Variants in SEMA4B observed in about 807,000 individuals in gnomAD.
The protein encoded by SEMA4B is semaphorin-4B.
A neutral mutation model predicts 88.1 loss-of-function variants in SEMA4B; 55 were observed. The ratio of observed to expected loss-of-function variants is 0.62; its 90% CI spans 0.50 to 0.78. The LOEUF (loss-of-function observed/expected upper bound fraction) is 0.78, where lower values mean the gene tolerates loss of function less well. Among genes scored for constraint, SEMA4B ranks in the 30% least tolerant of loss-of-function variants. The pLI, the probability that SEMA4B is intolerant of heterozygous loss-of-function variation, is 0.00. For missense variants in SEMA4B, 1,062 were observed against 1,111.9 expected, an observed-to-expected ratio of 0.96 and a Z score of 0.64; for synonymous variants, 525 against 473.6, an observed-to-expected ratio of 1.11 and a Z score of -1.41.
chr15:90,223,506 C>A, intron 7 of SEMA4B, 53 bp from the exon 8 acceptor site: 1 of 1,481,628 alleles, frequency 6.7e-7, no homozygotes, highest in Non-Finnish European at 9.0e-7. Flanking sequence ...GCCGTGCATC[C>A]CCGTCATGGC....
At chr15:90,219,952 G>C (rs1246353996) in intron 4 of SEMA4B, 61 bp downstream of exon 4, 19 of 1,326,052 alleles carry the variant, frequency 1.4e-5, no homozygotes, top group Non-Finnish European at 1.7e-5. Flanking sequence ...TCTGCCCCAG[G>C]GATCCTGTTC....
At chr15:90,205,388 C>T (rs1026473617) in intron 1 of SEMA4B, among the ~76,000 whole-genome samples, 7 of 152,226 alleles carry the variant, frequency 4.6e-5, no homozygotes, top group African/African-American at 1.4e-4. Flanking sequence ...CCAGCTCTGT[C>T]CTATGGGCCA....
chr15:90,203,944 C>T (rs1043835202), intron 1 of SEMA4B, among the ~76,000 whole-genome samples: 7 of 152,200 alleles, frequency 4.6e-5, no homozygotes, highest in Non-Finnish European at 1.0e-4. Context: ...CCACTATACC[C>T]TGGAGTGCCC....
In SEMA4B at chr15:90,221,452, G is replaced by C; in HGVS notation, c.681G>C (p.Lys227Asn). ...GGAGCCAAAGCCTTCGCCCCACCAAGACCGAGAGCTCCCTCAACTGGCTGC... is the reference window on the plus strand; with the variant it reads ...GGAGCCAAAGCCTTCGCCCCACCAACACCGAGAGCTCCCTCAACTGGCTGC... The part of the protein sequence containing the change: ...ISRSQSLRPT[K>N]TESSLNWLQD... Residue 227 changes from lysine (K) to asparagine (N), a missense_variant, in exon 6 of 14, where the codon AAG becomes AAC. Lys to Asn is a moderately conservative substitution (Grantham distance 94, BLOSUM62 0). Transcript: ENST00000411539. 6.3e-7 allele frequency: 1 copy of C among 1,590,876 alleles called. No individual in the cohort carries two copies. Among genetic ancestry groups the C allele is most frequent in the South Asian group, 1.1e-5 (1 of 87,878 alleles).
Position 90,225,371 on chromosome 15 carries a change from C to T in SEMA4B, c.1495C>T (p.Gln499Ter). 6.4e-7 allele frequency: 1 copy of T among 1,552,692 alleles called. No homozygotes were observed. The highest frequency in any genetic ancestry group is 8.7e-7 in the Non-Finnish European group (1 of 1,148,644). Reference sequence around the variant, plus strand: ...GATCTTCTCATCGGGACAGCCCGTGCAGAATCTGCTCCTGGACACCCACAG... The same window carrying T: ...GATCTTCTCATCGGGACAGCCCGTGTAGAATCTGCTCCTGGACACCCACAG... Reference protein sequence around the residue: ...LQIFSSGQPVQNLLLDTHRGL... With the variant: ...LQIFSSGQPV The change falls in exon 11 of 14, where the codon CAG (glutamine) becomes TAG (stop). Residue 499 changes from glutamine to a stop codon, truncating the protein, a stop_gained. Coordinates refer to ENST00000411539, the MANE Select transcript of SEMA4B (RefSeq NM_198925.4). LOFTEE classifies it high-confidence loss of function.
At chr15:90,200,910 CG>C (rs1244209892), upstream of SEMA4B, among the ~76,000 whole-genome samples, 1 of 152,152 alleles carries the variant, frequency 6.6e-6, no homozygotes, top group African/African-American at 2.4e-5. Context: ...CGAGCTCGGC[CG>C]AGTTCATTTG....
chr15:90,206,366 C>T (rs1035109881), intron 1 of SEMA4B, among the ~76,000 whole-genome samples: 1 of 152,226 alleles, frequency 6.6e-6, no homozygotes, highest in Non-Finnish European at 1.5e-5. Flanking sequence ...GGACTGCATT[C>T]TCCATGCTTT....
intron 3 of SEMA4B, among the ~76,000 whole-genome samples, chr15:90,218,439 C>T (rs1961640054): frequency 6.6e-6 from 1 of 152,216 alleles, no homozygotes; most frequent in African/African-American, 2.4e-5. Context: ...ATTCAGCTAA[C>T]ATTGATGAAG....
Position 90,201,460 on chromosome 15 carries a change from C to T in SEMA4B, c.-119C>T, listed in dbSNP as rs1488628539. ...GTTTCCCACCTCCCGCCCCCCAGGT[C>T]CGGAGGCGGGGGCCCCCGGGGCGAC... On this transcript the variant is annotated 5_prime_UTR_variant, in exon 1 of 14. Transcript: ENST00000411539. 2.3e-6 allele frequency: 3 copies of T among 1,305,848 alleles called. No individual in the cohort carries two copies. The South Asian group carries it at 6.5e-5, about 28-fold the overall frequency. The allele number at this position is 1,305,848 out of a possible 1,614,324, so 80.9% of individuals were successfully genotyped here.
rs778563711 is a variant in SEMA4B at position 90,201,657 on chromosome 15, C to T, written c.79C>T (p.Leu27=). The T allele has an allele frequency of 9.0e-5, 137 of 1,516,868 alleles. No individual in the cohort carries two copies. Among genetic ancestry groups the T allele is most frequent in the Non-Finnish European group, 1.2e-4 (132 of 1,139,748 alleles). The allele number at this position is 1,516,868 out of a possible 1,614,324, so 94.0% of individuals were successfully genotyped here. A position where few individuals can be genotyped will look rare whatever the true frequency, so the allele number is the denominator to read the frequency against. ...GCTGCCGCCTCGGCCACCGCTGCTG[C>T]TGCTCCTGCTGCTGCTGCTCCTGCT... ...GALPPRPPLL[L]LLLLLLLLQP... Residue 27 remains leucine (L), a synonymous_variant, in exon 1 of 14, where the codon CTG becomes TTG. Coordinates refer to ENST00000411539, the MANE Select transcript of SEMA4B (RefSeq NM_198925.4).
At chr15:90,189,055 C>A (rs1442720621) in intron 1 of SEMA4B, among the ~76,000 whole-genome samples, 1 of 151,978 alleles carries the variant, frequency 6.6e-6, no homozygotes, top group Non-Finnish European at 1.5e-5. Context: ...TTTCCTTAAA[C>A]TTGAGCAATA....
At chr15:90,193,668 C>A (rs1960412890) in intron 1 of SEMA4B, 1 of 152,174 alleles carries the variant, frequency 6.6e-6, no homozygotes, top group African/African-American at 2.4e-5. Flanking sequence ...AGCAGCCCCA[C>A]TGCCATTTTA....
upstream of SEMA4B, among the ~76,000 whole-genome samples, chr15:90,197,775 G>A (rs1168636634): frequency 4.0e-5 from 6 of 151,796 alleles, no homozygotes; most frequent in Non-Finnish European, 1.5e-5. Context: ...TTGAATAAAG[G>A]CATAAGGAAT....
intron 1 of SEMA4B, among the ~76,000 whole-genome samples, chr15:90,204,950 A>G (rs1053652242): frequency 5.3e-5 from 8 of 151,852 alleles, no homozygotes; most frequent in Admixed American, 1.3e-4. Context: ...TAATTTTTGT[A>G]TTTTTGTAGA....
chr15:90,193,885 T>A (rs941181049), intron 1 of SEMA4B, among the ~76,000 whole-genome samples: 5 of 151,450 alleles, frequency 3.3e-5, no homozygotes, highest in Admixed American at 6.6e-5. Context: ...GGAGTTTCAC[T>A]CTTGTGCCCA....
chr15:90,186,769 TA>T (rs577435770), intron 1 of SEMA4B, among the ~76,000 whole-genome samples: 1 of 151,932 alleles, frequency 6.6e-6, no homozygotes, highest in Non-Finnish European at 1.5e-5. Flanking sequence ...CCGTCTCTAC[TA>T]AAAATACAAA....
chr15:90,225,936 CTG>C (rs2151627527), intron 12 of SEMA4B, 109 bp downstream of exon 12: 1 of 825,538 alleles, frequency 1.2e-6, no homozygotes, highest in Non-Finnish European at 1.7e-6. Flanking sequence ...TTTATGTCCA[CTG>C]TCTCAGCATA....
chr15:90,190,782 CATGTGTGTGT>C (rs929620621), intron 1 of SEMA4B, among the ~76,000 whole-genome samples: 1 of 151,730 alleles, frequency 6.6e-6, no homozygotes, highest in Non-Finnish European at 1.5e-5. Context: ...GCTCTGTGTG[CATGTGTGTGT>C]ATGTGTGTGT....
chr15:90,225,898 C>T, intron 12 of SEMA4B, 71 bp downstream of exon 12: 1 of 1,307,450 alleles, frequency 7.6e-7, no homozygotes, highest in Non-Finnish European at 1.0e-6. Context: ...CCATCCTGGG[C>T]CCTCCTTGGG....
Sources: allele counts gnomAD v4.1 joint callset (sites outside exome capture counted in the v4.1 genomes callset), GRCh38; gene constraint gnomAD v4.1.1; transcripts MANE v1.5; gene names NCBI Gene and HGNC (gene_info 2026-07-23, HGNC 2026-07-21).